Variants in PDZRN3 observed in about 807,000 individuals in gnomAD.
The protein encoded by PDZRN3 is E3 ubiquitin-protein ligase PDZRN3.
In PDZRN3, 38 loss-of-function variants were observed where a neutral mutation model predicts 85.7. The ratio of observed to expected loss-of-function variants is 0.44; its 90% CI spans 0.34 to 0.58. The LOEUF is 0.58. Among genes scored for constraint, PDZRN3 ranks in the 20% least tolerant of loss-of-function variants. The probability of loss-of-function intolerance (pLI) is 0.01; values close to 1 mark genes in which losing one functional copy is unlikely to be tolerated. For missense variants in PDZRN3, 1,629 were observed against 1,506.4 expected (o/e 1.08, Z -1.35); for synonymous variants, 759 against 638.0 (o/e 1.19, Z -2.86).
rs568798210 is a variant in PDZRN3 at position 73,421,301 on chromosome 3, A to G, written c.919-16906T>C. The stretch of plus-strand genomic sequence containing the variant: ...GCTTCAGAAGAAGAGTTTAAGGTTC[A>G]GAGAGGCCCAGAGACTCTTCCGGGG... On this transcript the variant is annotated intron_variant, in intron 3 of 9. Transcript: ENST00000263666. 6.5e-4 allele frequency among the ~76,000 whole-genome samples: 99 copies of G among 152,306 alleles called. 1 individual carries two copies. Among genetic ancestry groups the G allele is most frequent in the African/African-American group, 2.3e-3 (97 of 41,574 alleles).
At chr3:73,469,878 C>T (rs1244732660) in intron 3 of PDZRN3, among the ~76,000 whole-genome samples, 1 of 152,202 alleles carries the variant, frequency 6.6e-6, no homozygotes, top group Non-Finnish European at 1.5e-5. Context: ...CAGAGTTTCT[C>T]AACTTCAGCC....
intron 3 of PDZRN3, among the ~76,000 whole-genome samples, chr3:73,475,566 C>A (rs1703432230): frequency 6.6e-6 from 1 of 152,176 alleles, no homozygotes; most frequent in African/African-American, 2.4e-5. Flanking sequence ...ATGTCAAATG[C>A]AGGCCTGAGA....
Position 73,384,095 on chromosome 3 carries a change from G to A in PDZRN3, c.2471C>T (p.Pro824Leu), listed in dbSNP as rs761741441. The change falls in exon 10 of 10, where the codon CCG becomes CTG. Residue 824 changes from proline (P) to leucine (L), a missense_variant. Physicochemically the swap from Pro to Leu is moderately conservative, Grantham distance 98. Coordinates refer to ENST00000263666, the MANE Select transcript of PDZRN3 (RefSeq NM_015009.3). ...DPEVGTPTYSPSLKELDPNQP... is the reference protein window; with the variant it reads ...DPEVGTPTYSLSLKELDPNQP... ...GTTGGGGTCCAGCTCCTTCAGGGACGGGCTATAGGTAGGGGTGCCCACTTC... is the reference window on the plus strand; with the variant it reads ...GTTGGGGTCCAGCTCCTTCAGGGACAGGCTATAGGTAGGGGTGCCCACTTC... The A allele has an allele frequency of 1.3e-5, 21 of 1,613,614 alleles. No homozygotes were observed. Among genetic ancestry groups the A allele is most frequent in the East Asian group, 8.9e-5 (4 of 44,838 alleles).
intron 3 of PDZRN3, among the ~76,000 whole-genome samples, chr3:73,547,862 T>G (rs2106796702): frequency 6.6e-6 from 1 of 152,304 alleles, no homozygotes; most frequent in South Asian, 2.1e-4. Flanking sequence ...AACTTCCTGG[T>G]TCTAAGAAGA....
chr3:73,546,508 G>C (rs964377329), intron 3 of PDZRN3, among the ~76,000 whole-genome samples: 10 of 152,180 alleles, frequency 6.6e-5, no homozygotes, highest in Admixed American at 2.6e-4. Flanking sequence ...GCATACTTGT[G>C]CCATGCCCAT....
rs145842871 is a variant in PDZRN3 at position 73,445,312 on chromosome 3, G to A, written c.919-40917C>T. ...TGAGTCATAGGCAACTTGGGTGTTCGTGTCTGAAAGAATTTGGAGGCTAGG... is the reference window on the plus strand; with the variant it reads ...TGAGTCATAGGCAACTTGGGTGTTCATGTCTGAAAGAATTTGGAGGCTAGG... On this transcript the variant is annotated intron_variant, in intron 3 of 9. Transcript: ENST00000263666. Among the ~76,000 whole-genome samples the A allele has an allele frequency of 5.9e-3, 892 of 152,248 alleles. 5 individuals are homozygous for A. Among genetic ancestry groups the A allele is most frequent in the Non-Finnish European group, 9.5e-3 (648 of 68,014 alleles).
At chr3:73,515,587 T>A (rs1036866856) in intron 3 of PDZRN3, among the ~76,000 whole-genome samples, 3 of 152,172 alleles carry the variant, frequency 2.0e-5, no homozygotes, top group African/African-American at 4.8e-5. Flanking sequence ...ATTTCAAATT[T>A]AACTCCACCC....
At chr3:73,390,019 C>T (rs189056760) in intron 6 of PDZRN3, 141 bp from the exon 7 acceptor site, 12 of 691,656 alleles carry the variant, frequency 1.7e-5, no homozygotes, top group East Asian at 1.3e-4. Context: ...GACTTAGTGT[C>T]GTGCAAGGAG....
chr3:73,388,083 A>AAAAAAAAAC lies in PDZRN3; in HGVS notation c.1417-15_1417-14insGTTTTTTTT. On this transcript the variant is annotated splice_polypyrimidine_tract_variant and intron_variant, in intron 7 of 9. Coordinates refer to ENST00000263666, the MANE Select transcript of PDZRN3 (RefSeq NM_015009.3). ...TATCCCATTAATCTTTTAAAAAAAAAGGGGGGGTGGGGAGAGTGGGGAGAC... is the reference window on the plus strand; with the variant it reads ...TATCCCATTAATCTTTTAAAAAAAAAAAAAAAAACGGGGGGGTGGGGAGAGTGGGGAGAC... 1 of 908,180 alleles carries AAAAAAAAAC rather than the reference A, an allele frequency of 1.1e-6. No individual in the cohort carries two copies. Among genetic ancestry groups the AAAAAAAAAC allele is most frequent in the Non-Finnish European group, 1.7e-6 (1 of 588,938 alleles). 56.3% of individuals were successfully genotyped at this position (908,180 alleles called of 1,614,324 possible).
At chr3:73,545,558 A>C (rs948893070) in intron 3 of PDZRN3, among the ~76,000 whole-genome samples, 1 of 152,202 alleles carries the variant, frequency 6.6e-6, no homozygotes, top group Non-Finnish European at 1.5e-5. Context: ...TACACACCAG[A>C]TACAAAGAGG....
intron 3 of PDZRN3, among the ~76,000 whole-genome samples, chr3:73,510,914 C>T (rs1456886223): frequency 6.6e-6 from 1 of 152,148 alleles, no homozygotes. Context: ...AGGTACTATA[C>T]TCATCTATTT....
intron 3 of PDZRN3, among the ~76,000 whole-genome samples, chr3:73,449,312 G>A (rs1402278314): frequency 6.6e-6 from 1 of 151,770 alleles, no homozygotes; most frequent in Non-Finnish European, 1.5e-5. Context: ...ATTCATATTC[G>A]GGCACTGGAT....
In PDZRN3 at chr3:73,404,150, C is replaced by T. The variant is rs137918318; in HGVS notation, c.1164G>A (p.Glu388=). The change falls in exon 4 of 10, where the codon GAG becomes GAA. Residue 388 remains glutamate (E), a splice_region_variant and synonymous_variant. Transcript: ENST00000263666. ...PPVLDPYLLP[E]EHPSAHEYYD... is the part of the protein sequence containing the mutation. Reference sequence around the variant, plus strand: ...GGGTTCAAGATTAGGTTACTTACTCCTCTGGCAAGAGATAGGGATCCAGCA... The same window carrying T: ...GGGTTCAAGATTAGGTTACTTACTCTTCTGGCAAGAGATAGGGATCCAGCA... The T allele has an allele frequency of 4.7e-5, 76 of 1,613,430 alleles. No individual in the cohort carries two copies. The highest frequency in any genetic ancestry group is 6.4e-5 in the Non-Finnish European group (75 of 1,179,560).
intron 3 of PDZRN3, among the ~76,000 whole-genome samples, chr3:73,560,588 T>C (rs1402823983): frequency 1.3e-5 from 2 of 152,210 alleles, no homozygotes; most frequent in Non-Finnish European, 2.9e-5. Flanking sequence ...AACCTACTCA[T>C]CATTCAAAGG....
intron 3 of PDZRN3, among the ~76,000 whole-genome samples, chr3:73,445,289 A>T (rs1575659197): frequency 6.6e-6 from 1 of 152,252 alleles, no homozygotes; most frequent in East Asian, 1.9e-4. Context: ...CCGGTAATTG[A>T]GTCATAGGCA....
chr3:73,429,203 T>C (rs1409657267), intron 3 of PDZRN3, among the ~76,000 whole-genome samples: 1 of 152,190 alleles, frequency 6.6e-6, no homozygotes, highest in Admixed American at 6.5e-5. Flanking sequence ...TGAGCTTCCA[T>C]GCCTGGCCAA....
At chr3:73,472,430 T>C (rs1316712573) in intron 3 of PDZRN3, among the ~76,000 whole-genome samples, 1 of 152,232 alleles carries the variant, frequency 6.6e-6, no homozygotes, top group Non-Finnish European at 1.5e-5. Context: ...AACCACGGTG[T>C]TGCTGTTCAA....
At chr3:73,532,476 C>T (rs1015958264) in intron 3 of PDZRN3, among the ~76,000 whole-genome samples, 6 of 152,206 alleles carry the variant, frequency 3.9e-5, no homozygotes, top group African/African-American at 9.6e-5. Flanking sequence ...ACCTATCGTG[C>T]GCCAGGCATT....
intron 3 of PDZRN3, among the ~76,000 whole-genome samples, chr3:73,430,613 G>A (rs1298172450): frequency 6.6e-6 from 1 of 152,120 alleles, no homozygotes; most frequent in Non-Finnish European, 1.5e-5. Context: ...AAACAAGGCT[G>A]GTGCTTAGCC....
Sources: gnomAD v4.1 joint callset for allele counts (sites outside exome capture counted in the v4.1 genomes callset) on GRCh38, gnomAD v4.1.1 for gene constraint, MANE v1.5 for transcripts, NCBI Gene and HGNC (gene_info 2026-07-23, HGNC 2026-07-21) for gene names.